The following ZMPSTE24 variants were observed in gnomAD, a reference collection of about 807,000 sequenced individuals.
The protein encoded by ZMPSTE24 is zinc metallopeptidase STE24.
In ZMPSTE24, 48 loss-of-function variants were observed where a neutral mutation model predicts 56.7. The ratio of observed to expected loss-of-function variants is 0.85; its 90% CI spans 0.67 to 1.08. The LOEUF is 1.08. Ranked by LOEUF, ZMPSTE24 falls within the 50% of genes least tolerant of loss-of-function variation. ZMPSTE24 has a pLI of 0.00. For missense variants in ZMPSTE24, 503 were observed against 548.7 expected, an observed-to-expected ratio of 0.92 and a Z score of 0.83; for synonymous variants, 172 against 195.2, an observed-to-expected ratio of 0.88 and a Z score of 0.99.
chr1:40,261,115 G>T, intron 2 of ZMPSTE24, 130 bp downstream of exon 2: 1 of 1,145,884 alleles, frequency 8.7e-7, no homozygotes, highest in Non-Finnish European at 1.3e-6. Flanking sequence ...TGATAGTAAC[G>T]GCTGTGGAGC....
In ZMPSTE24 at chr1:40,268,458, T is replaced by C; in HGVS notation, c.397T>C (p.Phe133Leu). The part of the protein sequence containing the change: ...SLVFLLLATL[F>L]SALTGLPWSL... ...GGTGTTTCTGCTGTTGGCTACACTTTTCAGTGCATTGACTGGTTTGCCATG... is the reference window on the plus strand; with the variant it reads ...GGTGTTTCTGCTGTTGGCTACACTTCTCAGTGCATTGACTGGTTTGCCATG... The change falls in exon 4 of 10, where the codon TTC (phenylalanine) becomes CTC (leucine). Residue 133 changes from phenylalanine (F) to leucine (L), a missense_variant. Coordinates refer to ENST00000372759, the MANE Select transcript of ZMPSTE24 (RefSeq NM_005857.5). 1 of 1,613,132 alleles carries C rather than the reference T, an allele frequency of 6.2e-7. No individual in the cohort carries two copies. Among genetic ancestry groups the C allele is most frequent in the Non-Finnish European group, 8.5e-7 (1 of 1,179,978 alleles).
At chr1:40,273,828 T>A (rs1309624576) in intron 6 of ZMPSTE24, among the ~76,000 whole-genome samples, 1 of 151,696 alleles carries the variant, frequency 6.6e-6, no homozygotes, top group Non-Finnish European at 1.5e-5. Context: ...TCAGATAACG[T>A]GAAATAATAG....
chr1:40,267,693 A>ATTATT, intron 2 of ZMPSTE24, 93 bp from the exon 3 acceptor site: 1 of 1,040,670 alleles, frequency 9.6e-7, no homozygotes, highest in East Asian at 2.4e-5. Context: ...AATAGAGATG[A>ATTATT]TTATTTTGTC....
intron 6 of ZMPSTE24, among the ~76,000 whole-genome samples, chr1:40,277,077 C>T (rs1643677874): frequency 6.7e-6 from 1 of 149,572 alleles, no homozygotes; most frequent in South Asian, 2.1e-4. Context: ...CAGTACAGTA[C>T]AGGGATTCTT....
At chr1:40,268,307 A>G (rs995737161) in intron 3 of ZMPSTE24, 112 bp from the exon 4 acceptor site, 7 of 793,314 alleles carry the variant, frequency 8.8e-6, no homozygotes, top group Admixed American at 7.1e-5. Context: ...TATGTTATCC[A>G]TAGAATCAAG....
chr1:40,278,528 A>T (rs1643693806), intron 6 of ZMPSTE24, among the ~76,000 whole-genome samples: 1 of 129,092 alleles, frequency 7.7e-6, no homozygotes, highest in African/African-American at 2.9e-5. Flanking sequence ...ACTGCACTCC[A>T]GCCTGGGCGA....
At chr1:40,272,324 C>T (rs1251061447) in intron 6 of ZMPSTE24, among the ~76,000 whole-genome samples, 2 of 152,132 alleles carry the variant, frequency 1.3e-5, no homozygotes, top group Non-Finnish European at 2.9e-5. Flanking sequence ...CTTTTTCACT[C>T]TCTGTTATGT....
intron 2 of ZMPSTE24, among the ~76,000 whole-genome samples, chr1:40,261,963 C>T (rs1415707278): frequency 6.6e-6 from 1 of 152,174 alleles, no homozygotes. Context: ...CCTGCCTTGG[C>T]CTCCCAAAGT....
At position 40,293,743 on chromosome 1, in the gene ZMPSTE24, T is replaced by TTA. The variant is rs778733923; in HGVS notation, c.*1075_*1076dup. The stretch of plus-strand genomic sequence containing the variant: ...ACAGTTCTTGAAATGCAGATAATGT[T>TTA]TACTTTGAAAACAAATGTCATGAAT... On this transcript the variant is annotated 3_prime_UTR_variant, in exon 10 of 10. Coordinates refer to ENST00000372759, the MANE Select transcript of ZMPSTE24 (RefSeq NM_005857.5). 6.6e-6 allele frequency: 1 copy of TTA among 152,226 alleles called. No individual in the cohort carries two copies. Among genetic ancestry groups the TTA allele is most frequent in the Non-Finnish European group, 1.5e-5 (1 of 68,028 alleles). The allele number at this position is 152,226 out of a possible 1,614,324, so 9.4% of individuals were successfully genotyped here.
chr1:40,277,287 C>T (rs1270860477), intron 6 of ZMPSTE24, among the ~76,000 whole-genome samples: 1 of 152,044 alleles, frequency 6.6e-6, no homozygotes, highest in Non-Finnish European at 1.5e-5. Context: ...AAGGTTTCAC[C>T]GTGTTAGCCA....
chr1:40,267,612 C>T (rs1643564472), intron 2 of ZMPSTE24, among the ~76,000 whole-genome samples, 174 bp from the exon 3 acceptor site: 1 of 147,564 alleles, frequency 6.8e-6, no homozygotes, highest in Admixed American at 6.7e-5. Flanking sequence ...TCAAGCGATG[C>T]TTCTGTCTCA....
chr1:40,287,831 T>G (rs1227341654), intron 8 of ZMPSTE24, among the ~76,000 whole-genome samples: 1 of 152,098 alleles, frequency 6.6e-6, no homozygotes, highest in Non-Finnish European at 1.5e-5. Flanking sequence ...GTTGACTAGT[T>G]CTGAGCATAT....
chr1:40,272,239 T>C (rs569940749), intron 6 of ZMPSTE24, among the ~76,000 whole-genome samples: 1 of 152,226 alleles, frequency 6.6e-6, no homozygotes, highest in Non-Finnish European at 1.5e-5. Context: ...ACTGGTGGCT[T>C]GATACCAAAT....
intron 2 of ZMPSTE24, among the ~76,000 whole-genome samples, chr1:40,266,238 C>T (rs191431250): frequency 6.6e-6 from 1 of 152,200 alleles, no homozygotes; most frequent in East Asian, 1.9e-4. Flanking sequence ...ACCAAAACCC[C>T]TCAAACCATG....
At chr1:40,285,422 TAG>T (rs1643776623) in intron 7 of ZMPSTE24, among the ~76,000 whole-genome samples, 1 of 152,100 alleles carries the variant, frequency 6.6e-6, no homozygotes, top group Non-Finnish European at 1.5e-5. Context: ...GTATTTTTAG[TAG>T]AGATGGGATT....
intron 3 of ZMPSTE24, 135 bp from the exon 4 acceptor site, chr1:40,268,284 A>G (rs1643576684): frequency 5.6e-6 from 4 of 713,458 alleles, no homozygotes; most frequent in East Asian, 2.5e-5. Context: ...GGCAGGGATG[A>G]TATTTCAGAC....
intron 6 of ZMPSTE24, among the ~76,000 whole-genome samples, chr1:40,272,495 A>C (rs1047677989): frequency 6.6e-6 from 1 of 152,210 alleles, no homozygotes; most frequent in South Asian, 2.1e-4. Flanking sequence ...GAAAATATCC[A>C]GTGTTCTGGA....
chr1:40,278,557 C>CAAAA (rs397979953), intron 6 of ZMPSTE24, among the ~76,000 whole-genome samples: 13 of 19,560 alleles, frequency 6.6e-4, no homozygotes, highest in Non-Finnish European at 9.5e-4. Flanking sequence ...GACTCCGTCT[C>CAAAA]AAAAAAAAAA....
chr1:40,280,505 A>G (rs887192982), intron 6 of ZMPSTE24, among the ~76,000 whole-genome samples: 2 of 151,582 alleles, frequency 1.3e-5, no homozygotes, highest in Admixed American at 1.3e-4. Context: ...GCTCACTGCA[A>G]CCTCCGTCTC....
Sources: allele counts gnomAD v4.1 joint callset (sites outside exome capture counted in the v4.1 genomes callset), GRCh38; gene constraint gnomAD v4.1.1; transcripts MANE v1.5; gene names NCBI Gene and HGNC (gene_info 2026-07-23, HGNC 2026-07-21).